Variants in PHKA2 observed in about 807,000 individuals in gnomAD.
PHKA2 encodes the protein phosphorylase kinase regulatory subunit alpha 2.
Under a neutral mutation model 102.0 loss-of-function variants are expected in PHKA2, and 31 were observed. The ratio of observed to expected loss-of-function variants is 0.30; its 90% CI spans 0.23 to 0.41. PHKA2 has a LOEUF of 0.41. Among genes scored for constraint, PHKA2 ranks in the 10% least tolerant of loss-of-function variants. PHKA2 has a pLI of 1.00. For missense variants in PHKA2, 858 were observed against 1,023.1 expected (o/e 0.84, Z 2.20); for synonymous variants, 455 against 416.2 (o/e 1.09, Z -1.13).
chrX:18,914,160 G>A (rs896003490), intron 19 of PHKA2, among the ~76,000 whole-genome samples: 1 of 112,638 alleles, frequency 8.9e-6, no homozygotes, highest in African/African-American at 3.2e-5. Flanking sequence ...GTGCTACAAA[G>A]TCACTACAGC....
At chrX:18,920,460 G>A (rs751996263) in intron 17 of PHKA2, among the ~76,000 whole-genome samples, 2 of 112,232 alleles carry the variant, frequency 1.8e-5, no homozygotes, top group South Asian at 3.7e-4. Context: ...ACACAAATAC[G>A]ACTCTATTTT....
intron 2 of PHKA2, among the ~76,000 whole-genome samples, 160 bp from the exon 3 acceptor site, chrX:18,952,701 C>T (rs1423512666): frequency 8.9e-6 from 1 of 112,171 alleles, no homozygotes; most frequent in Non-Finnish European, 1.9e-5. Flanking sequence ...ATGTCCTCTC[C>T]ACTCCATCAT....
At chrX:18,954,126 T>G in intron 2 of PHKA2, 128 bp downstream of exon 2, 1 of 647,512 alleles carries the variant, frequency 1.5e-6, no homozygotes, top group Non-Finnish European at 2.5e-6. Flanking sequence ...CCCAAAATAT[T>G]CTATAGCAGA....
chrX:18,981,066 C>T (rs1280841795), intron 1 of PHKA2, among the ~76,000 whole-genome samples: 2 of 107,722 alleles, frequency 1.9e-5, no homozygotes, highest in African/African-American at 6.7e-5. Context: ...GCAGCTCATT[C>T]TTTTTTTTTT....
intron 1 of PHKA2, among the ~76,000 whole-genome samples, chrX:18,977,597 T>A: frequency 8.9e-6 from 1 of 111,925 alleles, no homozygotes. Flanking sequence ...TCTGCAGATT[T>A]AAAATTGCTA....
intron 27 of PHKA2, among the ~76,000 whole-genome samples, chrX:18,901,007 A>ATTT (rs747588302): frequency 2.0e-4 from 18 of 90,933 alleles, no homozygotes; most frequent in African/African-American, 6.9e-4. Context: ...GTTCAAAAGG[A>ATTT]TTTTTTTTTT....
At position 18,954,235 on chromosome X, in the gene PHKA2, AG is replaced by A. The variant is rs1230245967; in HGVS notation, c.237+18del. 1 of 1,206,188 alleles carries A rather than the reference AG, an allele frequency of 8.3e-7. No individual in the cohort carries two copies. Among genetic ancestry groups the A allele is most frequent in the African/African-American group, 1.7e-5 (1 of 57,166 alleles). On this transcript the variant is annotated intron_variant, in intron 2 of 32. Coordinates refer to ENST00000379942, the MANE Select transcript of PHKA2 (RefSeq NM_000292.3). ...GAAGGTGGCTGAGCAGCCGAGATAC[AG>A]CTGTCAGTCACTATTACCTGCTCCA... is the stretch of plus-strand genomic sequence containing the variant.
At chrX:18,899,255 G>A (rs375641388) in intron 28 of PHKA2, 29 bp from the exon 29 acceptor site, 30 of 1,134,688 alleles carry the variant, frequency 2.6e-5, no homozygotes, top group Non-Finnish European at 3.3e-5. Context: ...CCACTCAGTT[G>A]ACAGCAATGA....
At chrX:18,965,657 G>GT (rs2048930849) in intron 1 of PHKA2, among the ~76,000 whole-genome samples, 1 of 110,318 alleles carries the variant, frequency 9.1e-6, no homozygotes, top group South Asian at 3.9e-4. Context: ...TTGTGCGAGC[G>GT]TTTTTTCTAA....
intron 7 of PHKA2, 91 bp from the exon 8 acceptor site, chrX:18,941,766 C>T (rs1251777578): frequency 1.2e-5 from 8 of 665,973 alleles, no homozygotes; most frequent in East Asian, 9.9e-5. Flanking sequence ...AGGGAACATT[C>T]GAATACGGTT....
intron 1 of PHKA2, among the ~76,000 whole-genome samples, chrX:18,958,152 GC>G (rs1298571931): frequency 1.8e-5 from 2 of 111,454 alleles, no homozygotes. Context: ...GAGCCACCGT[GC>G]CCGGCCAGGG....
At chrX:18,973,214 A>T (rs934701058) in intron 1 of PHKA2, among the ~76,000 whole-genome samples, 1 of 111,615 alleles carries the variant, frequency 9.0e-6, no homozygotes, top group African/African-American at 3.3e-5. Context: ...CATGTTGGCC[A>T]GGCTGGTCTC....
rs1041398738 is a variant in PHKA2, at chrX:18,899,044, G to C, written c.3111+129C>G. ...CCTCCTCAGAATTCCAGTTGGAGGA[G>C]CCTGTGAGCATCCCGCTGAAAACAC... On this transcript the variant is annotated intron_variant, in intron 29 of 32. Transcript: ENST00000379942. The C allele has an allele frequency of 1.2e-5, 7 of 577,287 alleles. No individual in the cohort carries two copies. The African/African-American group carries it at 1.3e-4, about 11-fold the overall frequency. The allele number at this position is 577,287 out of a possible 1,213,427, so 47.6% of individuals were successfully genotyped here.
intron 18 of PHKA2, 103 bp from the exon 19 acceptor site, chrX:18,918,957 C>T (rs969203945): frequency 3.1e-6 from 2 of 652,217 alleles, no homozygotes; most frequent in Non-Finnish European, 5.1e-6. Context: ...GTAGGCTTAG[C>T]AGATGACAAC....
intron 20 of PHKA2, 21 bp from the exon 21 acceptor site, chrX:18,908,955 A>G: frequency 8.3e-7 from 1 of 1,210,738 alleles, no homozygotes; most frequent in South Asian, 1.8e-5. Flanking sequence ...AAGAGCCAGA[A>G]AGCAGGGAGA....
intron 1 of PHKA2, among the ~76,000 whole-genome samples, chrX:18,972,665 C>T (rs933964396): frequency 2.7e-5 from 3 of 111,941 alleles, no homozygotes; most frequent in African/African-American, 6.5e-5. Context: ...ATAACATTTA[C>T]GAATTGTTTG....
Position 18,908,927 on chromosome X carries a change from T to C in PHKA2, c.2234A>G (p.Glu745Gly). 8.3e-7 allele frequency: 1 copy of C among 1,210,558 alleles called. No homozygotes were observed. The highest frequency in any genetic ancestry group is 1.1e-6 in the Non-Finnish European group (1 of 894,490). ...ATCTCTGGGCCACTGAAAGTCACTT[T>C]CAGGAACCTGTTCATACAAGAGCCA... ...SPQPLLEKVPESDFQWPRDDH... is the reference protein window; with the variant it reads ...SPQPLLEKVPGSDFQWPRDDH... The change falls in exon 21 of 33, where the codon GAA becomes GGA. Residue 745 changes from glutamate (E) to glycine (G), a missense_variant. Around this residue, in one of 2 missense-constraint regions of PHKA2, gnomAD observed 671 missense variants for 745.2 expected, o/e 0.90. Transcript: ENST00000379942.
chrX:18,954,359 C>T lies in PHKA2; in HGVS notation c.132G>A (p.Val44=), dbSNP rs61733285. Residue 44 remains valine, a synonymous_variant, in exon 2 of 33, where the codon GTG becomes GTA. Coordinates refer to ENST00000379942, the MANE Select transcript of PHKA2 (RefSeq NM_000292.3). The part of the protein sequence containing the change: ...SASHEQKDAW[V]RDNIYSILAV... ...CCAGGATACTGTAGATGTTATCCCGCACCCAGGCATCCTTCTGCTCATGGC... is the reference window on the plus strand; with the variant it reads ...CCAGGATACTGTAGATGTTATCCCGTACCCAGGCATCCTTCTGCTCATGGC... The T allele has an allele frequency of 6.4e-5, 77 of 1,210,192 alleles. No individual in the cohort carries two copies. In the African/African-American group the frequency reaches 1.0e-3, roughly 16 times the overall value.
intron 1 of PHKA2, among the ~76,000 whole-genome samples, chrX:18,968,910 G>A (rs1940167596): frequency 8.9e-6 from 1 of 111,840 alleles, no homozygotes; most frequent in Non-Finnish European, 1.9e-5. Context: ...GAGGTCAGGA[G>A]TTCGAGACCA....
Sources: gnomAD v4.1 joint callset for allele counts (sites outside exome capture counted in the v4.1 genomes callset) on GRCh38, gnomAD v4.1.1 for gene constraint, gnomAD v4.1.1 regional missense constraint, MANE v1.5 for transcripts, NCBI Gene and HGNC (gene_info 2026-07-23, HGNC 2026-07-21) for gene names.